IMMP2L: variants seen among roughly 807,000 people sequenced by gnomAD.
IMMP2L encodes the protein mitochondrial inner membrane protease subunit 2.
IMMP2L carries 18 observed loss-of-function variants against 19.3 expected under a neutral mutation model. The ratio of observed to expected loss-of-function variants is 0.93; its 90% CI spans 0.64 to 1.38. IMMP2L has a LOEUF of 1.38. Among genes scored for constraint, IMMP2L ranks in the 40% most tolerant of loss-of-function variants. IMMP2L has a pLI of 0.00. For missense variants in IMMP2L, 233 were observed against 218.2 expected, an observed-to-expected ratio of 1.07 and a Z score of -0.43; for synonymous variants, 76 against 73.0, an observed-to-expected ratio of 1.04 and a Z score of -0.21.
intron 3 of IMMP2L, among the ~76,000 whole-genome samples, chr7:111,380,028 G>T (rs1019328626): frequency 1.3e-5 from 2 of 151,750 alleles, no homozygotes; most frequent in Non-Finnish European, 2.9e-5. Flanking sequence ...TAGCTCCATC[G>T]AAAACTCTTC....
intron 3 of IMMP2L, among the ~76,000 whole-genome samples, chr7:111,049,881 C>A (rs1331349261): frequency 6.6e-6 from 1 of 152,138 alleles, no homozygotes; most frequent in Non-Finnish European, 1.5e-5. Context: ...TGAGTCCCAC[C>A]GCCCCCATAG....
At chr7:111,174,152 G>C (rs1444587498) in intron 3 of IMMP2L, among the ~76,000 whole-genome samples, 1 of 151,642 alleles carries the variant, frequency 6.6e-6, no homozygotes, top group Admixed American at 6.6e-5. Flanking sequence ...AGTTTCACTA[G>C]AATAATACTA....
intron 4 of IMMP2L, among the ~76,000 whole-genome samples, chr7:110,944,346 T>C (rs1377401174): frequency 6.6e-6 from 1 of 151,948 alleles, no homozygotes; most frequent in African/African-American, 2.4e-5. Flanking sequence ...CTTAGATGGA[T>C]GGGGATGGAG....
chr7:111,192,089 G>A (rs921433637), intron 3 of IMMP2L, among the ~76,000 whole-genome samples: 2 of 151,964 alleles, frequency 1.3e-5, no homozygotes, highest in African/African-American at 4.8e-5. Context: ...TTAGAGTTTG[G>A]GTGATCAACT....
At chr7:111,017,010 CATT>C (rs1432073967) in intron 3 of IMMP2L, among the ~76,000 whole-genome samples, 1 of 128,060 alleles carries the variant, frequency 7.8e-6, no homozygotes, top group African/African-American at 3.0e-5. Flanking sequence ...TATATATAAA[CATT>C]ATAGTCATTA....
intron 3 of IMMP2L, chr7:111,124,517 A>T: frequency 6.2e-7 from 1 of 1,613,910 alleles, no homozygotes; most frequent in Non-Finnish European, 8.5e-7. Context: ...AATCTTACTC[A>T]TCTGAATCCA....
At chr7:111,273,438 C>A (rs1310535885) in intron 3 of IMMP2L, among the ~76,000 whole-genome samples, 1 of 151,856 alleles carries the variant, frequency 6.6e-6, no homozygotes, top group African/African-American at 2.4e-5. Context: ...GAGCTCATAG[C>A]CTAACAGGAA....
intron 5 of IMMP2L, among the ~76,000 whole-genome samples, chr7:110,675,969 A>G (rs951562495): frequency 3.9e-5 from 6 of 152,216 alleles, no homozygotes; most frequent in Non-Finnish European, 7.3e-5. Flanking sequence ...GGCCTTACAT[A>G]TAAATAACCT....
At chr7:111,162,384 A>C (rs1805361404) in intron 3 of IMMP2L, among the ~76,000 whole-genome samples, 1 of 152,074 alleles carries the variant, frequency 6.6e-6, no homozygotes, top group South Asian at 2.1e-4. Flanking sequence ...ACGCGCTCTT[A>C]GAGTCATATG....
At chr7:111,049,223 C>T (rs1038150878) in intron 3 of IMMP2L, among the ~76,000 whole-genome samples, 4 of 146,062 alleles carry the variant, frequency 2.7e-5, no homozygotes, top group East Asian at 2.0e-4. Flanking sequence ...CTCCGCCTCC[C>T]GGGTTCACGC....
At chr7:111,027,347 ATATATTT>A in intron 3 of IMMP2L, among the ~76,000 whole-genome samples, 1 of 152,296 alleles carries the variant, frequency 6.6e-6, no homozygotes, top group Admixed American at 6.5e-5. Context: ...TAGTGATGTT[ATATATTT>A]TACAAAATAC....
chr7:110,919,830 G>C (rs991047860), intron 4 of IMMP2L, among the ~76,000 whole-genome samples: 1 of 152,094 alleles, frequency 6.6e-6, no homozygotes, highest in East Asian at 1.9e-4. Flanking sequence ...GGGTGTTGCC[G>C]AAGGAGATTA....
At chr7:111,479,266 T>G (rs1435033826) in intron 3 of IMMP2L, among the ~76,000 whole-genome samples, 1 of 152,146 alleles carries the variant, frequency 6.6e-6, no homozygotes, top group Non-Finnish European at 1.5e-5. Context: ...CACTTCAGTG[T>G]GTTTCCTTTC....
intron 1 of IMMP2L, among the ~76,000 whole-genome samples, chr7:111,556,035 T>TATATATATATATATATATATATACACAC (rs1554550178): frequency 7.6e-4 from 103 of 135,712 alleles, no homozygotes; most frequent in African/African-American, 2.8e-3. Context: ...TATATATATA[T>TATATATATATATATATATATATACACAC]ACATACCCAA....
intron 3 of IMMP2L, among the ~76,000 whole-genome samples, chr7:111,386,689 C>T (rs1331455121): frequency 6.6e-6 from 1 of 152,108 alleles, no homozygotes; most frequent in Non-Finnish European, 1.5e-5. Context: ...ATAACACAAG[C>T]CTTCACTCCC....
At chr7:110,826,670 C>T (rs1390481923) in intron 5 of IMMP2L, among the ~76,000 whole-genome samples, 1 of 151,872 alleles carries the variant, frequency 6.6e-6, no homozygotes, top group East Asian at 1.9e-4. Flanking sequence ...GGGAACATCA[C>T]ACACTGGGGC....
chr7:111,422,760 T>C (rs535251716), intron 3 of IMMP2L, among the ~76,000 whole-genome samples: 3 of 151,970 alleles, frequency 2.0e-5, no homozygotes, highest in African/African-American at 7.3e-5. Flanking sequence ...CTACGTTGAA[T>C]AGGAGTGGTG....
At chr7:111,057,279 T>A (rs1793601380) in intron 3 of IMMP2L, among the ~76,000 whole-genome samples, 1 of 152,156 alleles carries the variant, frequency 6.6e-6, no homozygotes, top group Non-Finnish European at 1.5e-5. Context: ...GCCATCTGCC[T>A]CCTCCATTCC....
intron 3 of IMMP2L, among the ~76,000 whole-genome samples, chr7:111,407,410 C>G (rs1374222148): frequency 6.6e-6 from 1 of 151,932 alleles, no homozygotes; most frequent in Non-Finnish European, 1.5e-5. Flanking sequence ...ACATAAAAGT[C>G]TAGCAAATGG....
Sources: gnomAD v4.1 joint callset for allele counts (sites outside exome capture counted in the v4.1 genomes callset) on GRCh38, gnomAD v4.1.1 for gene constraint, MANE v1.5 for transcripts, NCBI Gene and HGNC (gene_info 2026-07-23, HGNC 2026-07-21) for gene names.